DHX35: variants seen among roughly 807,000 people sequenced by gnomAD.
DHX35 encodes the protein DEAH-box helicase 35.
Under a neutral mutation model 99.6 loss-of-function variants are expected in DHX35, and 84 were observed. The observed-to-expected ratio is 0.84, with a 90% CI of 0.71 to 1.01. DHX35 has a LOEUF of 1.01. DHX35 is among the 50% of genes least tolerant of loss of function. DHX35 has a pLI of 0.00. For missense variants in DHX35, 852 were observed against 888.5 expected, an observed-to-expected ratio of 0.96 and a Z score of 0.52; for synonymous variants, 331 against 316.2, an observed-to-expected ratio of 1.05 and a Z score of -0.50.
chr20:38,999,520 C>T (rs919655246), intron 8 of DHX35, among the ~76,000 whole-genome samples: 27 of 152,190 alleles, frequency 1.8e-4, no homozygotes, highest in African/African-American at 6.3e-4. Flanking sequence ...CCATCTCAGT[C>T]TCTTTCTCAT....
intron 3 of DHX35, among the ~76,000 whole-genome samples, chr20:38,980,434 G>A (rs2086153667): frequency 6.6e-6 from 1 of 151,474 alleles, no homozygotes; most frequent in Admixed American, 6.6e-5. Flanking sequence ...ATGGGTCAAT[G>A]CATATAAGGC....
Position 38,969,176 on chromosome 20 carries a change from T to C in DHX35, c.136T>C (p.Ser46Pro), listed in dbSNP as rs1240043162. The C allele has an allele frequency of 1.2e-6, 2 of 1,612,856 alleles. No individual in the cohort carries two copies. Among genetic ancestry groups the C allele is most frequent in the Admixed American group, 1.7e-5 (1 of 59,702 alleles). Residue 46 changes from serine to proline, a missense_variant, in exon 2 of 22, where the codon TCC becomes CCC. Transcript: ENST00000252011. Reference protein sequence around the residue: ...TVVYNPYAALSIEQQRQKLPV... With the variant: ...TVVYNPYAALPIEQQRQKLPV... ...TGTTTACAACCCTTATGCTGCCCTTTCCATAGAGCAGCAGAGGCAGAAGCT... is the reference window on the plus strand; with the variant it reads ...TGTTTACAACCCTTATGCTGCCCTTCCCATAGAGCAGCAGAGGCAGAAGCT...
intron 5 of DHX35, among the ~76,000 whole-genome samples, chr20:38,990,340 G>T (rs1043546958): frequency 6.6e-6 from 1 of 152,184 alleles, no homozygotes; most frequent in African/African-American, 2.4e-5. Context: ...GATACAGCAT[G>T]CAAGGGAGAT....
At chr20:38,986,407 T>C (rs1014128982) in intron 4 of DHX35, among the ~76,000 whole-genome samples, 7 of 152,174 alleles carry the variant, frequency 4.6e-5, no homozygotes, top group Non-Finnish European at 8.8e-5. Flanking sequence ...TTATAGCAAA[T>C]GTATTCAAAT....
In DHX35 at chr20:39,021,916, C is replaced by G. The variant is rs776241724; in HGVS notation, c.1574C>G (p.Pro525Arg). 3.1e-6 allele frequency: 5 copies of G among 1,614,142 alleles called. No individual in the cohort carries two copies. Residue 525 changes from proline (P) to arginine (R), a missense_variant, in exon 16 of 22, where the codon CCA (proline) becomes CGA (arginine). By Grantham distance (103) the Pro-to-Arg change is moderately radical. Coordinates refer to ENST00000252011, the MANE Select transcript of DHX35 (RefSeq NM_021931.4). ...MQIQNIFVVP[P>R]NQKSHAIRVH... ...ATCCAGAATATCTTTGTGGTCCCCC[C>G]AAACCAGAAGTCTCACGCAGTAAGT...
At chr20:38,999,589 A>G (rs1269482186) in intron 8 of DHX35, among the ~76,000 whole-genome samples, 4 of 152,210 alleles carry the variant, frequency 2.6e-5, no homozygotes, top group African/African-American at 9.6e-5. Flanking sequence ...TCCCCGGTCG[A>G]GTAAGAGTCA....
At chr20:39,010,476 T>G in intron 13 of DHX35, 72 bp downstream of exon 13, 1 of 1,576,574 alleles carries the variant, frequency 6.3e-7, no homozygotes, top group Non-Finnish European at 8.6e-7. Flanking sequence ...GACATTGTCG[T>G]AGGGCATGCC....
chr20:39,011,894 C>T (rs1411756313), intron 13 of DHX35, among the ~76,000 whole-genome samples: 1 of 152,050 alleles, frequency 6.6e-6, no homozygotes, highest in African/African-American at 2.4e-5. Flanking sequence ...GTGTACTTAC[C>T]ATAAGTATAG....
At chr20:39,030,542 G>T in intron 19 of DHX35, 162 bp from the exon 20 acceptor site, 1 of 634,302 alleles carries the variant, frequency 1.6e-6, no homozygotes, top group Non-Finnish European at 2.7e-6. Flanking sequence ...GTGGCAGCCA[G>T]GAGAGGGATC....
chr20:38,988,498 C>T (rs561452717), intron 4 of DHX35, among the ~76,000 whole-genome samples: 8 of 152,214 alleles, frequency 5.3e-5, no homozygotes, highest in Admixed American at 2.0e-4. Context: ...GGCCTGGTGG[C>T]GCTTGCCTGT....
At chr20:38,993,367 T>A (rs59072291) in intron 7 of DHX35, among the ~76,000 whole-genome samples, 24,766 of 152,230 alleles carry the variant, frequency 0.16, 2,176 homozygotes, top group Middle Eastern at 0.31. Flanking sequence ...TCTCTTTTTT[T>A]TCTTTTTTTG....
At position 38,988,896 on chromosome 20, in the gene DHX35, C is replaced by G. The variant is rs138277297; in HGVS notation, c.429C>G (p.Asp143Glu). 111 of 1,613,164 alleles carry G rather than the reference C, an allele frequency of 6.9e-5. No individual in the cohort carries two copies. In the African/African-American group the frequency reaches 1.2e-3, roughly 18 times the overall value. The change falls in exon 5 of 22, where the codon GAC becomes GAG. Residue 143 changes from aspartate to glutamate, a missense_variant. Coordinates refer to ENST00000252011, the MANE Select transcript of DHX35 (RefSeq NM_021931.4). The stretch of plus-strand genomic sequence containing the variant: ...GCATCCGCTTTGATGACTGCACCGA[C>G]CAGCTGGCCACGAGAATTAAGGTAA... ...GYCIRFDDCT[D>E]QLATRIKFLT...
chr20:39,018,079 C>T (rs927525109), intron 14 of DHX35, among the ~76,000 whole-genome samples: 3 of 152,112 alleles, frequency 2.0e-5, no homozygotes, highest in African/African-American at 7.2e-5. Context: ...CTTATTATCA[C>T]GATAACAGTA....
chr20:39,038,881 G>A lies in DHX35; in HGVS notation c.*338G>A, dbSNP rs914881487. On this transcript the variant is annotated 3_prime_UTR_variant, in exon 22 of 22. Coordinates refer to ENST00000252011, the MANE Select transcript of DHX35 (RefSeq NM_021931.4). ...CTATGGGAAACAAGGAGGAAAGTTA[G>A]CCACTGAAGGCCAAAACACCATGTG... 1.1e-5 allele frequency: 4 copies of A among 356,400 alleles called. No individual in the cohort carries two copies. Among genetic ancestry groups the A allele is most frequent in the African/African-American group, 2.1e-5 (1 of 47,926 alleles). 22.1% of individuals were successfully genotyped at this position (356,400 alleles called of 1,614,324 possible).
At position 38,994,852 on chromosome 20, in the gene DHX35, T is replaced by C; in HGVS notation, c.614T>C (p.Ile205Thr). The stretch of plus-strand genomic sequence containing the variant: ...AAAAAGCGAGGGGATCTTCGATTGA[T>C]TGTAGCTTCAGCCACTCTGGATGCA... ...IQKKRGDLRL[I>T]VASATLDADK... The change falls in exon 8 of 22, where the codon ATT becomes ACT. Residue 205 changes from isoleucine to threonine, a missense_variant. Ile to Thr is a moderately conservative substitution (Grantham distance 89). Coordinates refer to ENST00000252011, the MANE Select transcript of DHX35 (RefSeq NM_021931.4). The C allele has an allele frequency of 1.2e-6, 2 of 1,613,992 alleles. No homozygotes were observed. The highest frequency in any genetic ancestry group is 2.7e-5 in the African/African-American group (2 of 75,062).
Position 39,006,268 on chromosome 20 carries a change from G to T in DHX35, c.1134G>T (p.Val378=). ...YNPRTAIECL[V]VVPVSQASAN... is the part of the protein sequence containing the mutation. ...CCAGGACAGCTATTGAATGCTTGGT[G>T]GTGGTGCCAGTCTCCCAGGCATCAG... The change falls in exon 12 of 22, where the codon GTG becomes GTT. Residue 378 remains valine (V), a synonymous_variant. Transcript: ENST00000252011. 2.5e-6 allele frequency: 4 copies of T among 1,614,140 alleles called. No individual in the cohort carries two copies. Among genetic ancestry groups the T allele is most frequent in the Non-Finnish European group, 3.4e-6 (4 of 1,180,036 alleles).
intron 2 of DHX35, among the ~76,000 whole-genome samples, chr20:38,971,495 C>CT (rs571630993): frequency 6.6e-6 from 1 of 152,112 alleles, no homozygotes; most frequent in Non-Finnish European, 1.5e-5. Context: ...AATAGTGACT[C>CT]TATCTTGGAT....
At chr20:39,033,321 G>A (rs1215681693) in intron 20 of DHX35, among the ~76,000 whole-genome samples, 2 of 152,204 alleles carry the variant, frequency 1.3e-5, no homozygotes, top group East Asian at 3.9e-4. Context: ...GGTTAAATTT[G>A]GGAGTTGCTT....
chr20:39,013,117 A>G (rs1009848205), intron 13 of DHX35, among the ~76,000 whole-genome samples: 1 of 151,920 alleles, frequency 6.6e-6, no homozygotes, highest in Non-Finnish European at 1.5e-5. Flanking sequence ...AAACTTTTGG[A>G]CAGTTGAAAA....
Sources: allele counts gnomAD v4.1 joint callset (sites outside exome capture counted in the v4.1 genomes callset), GRCh38; gene constraint gnomAD v4.1.1; transcripts MANE v1.5; gene names NCBI Gene and HGNC (gene_info 2026-07-23, HGNC 2026-07-21).